DMD: variants seen among roughly 807,000 people sequenced by gnomAD.
The protein encoded by DMD is mutant dystrophin.
DMD carries 63 observed loss-of-function variants against 330.1 expected under a neutral mutation model. That is an observed-to-expected ratio of 0.19 (90% CI 0.16 to 0.24). The LOEUF (loss-of-function observed/expected upper bound fraction) is 0.24, where lower values mean the gene tolerates loss of function less well. Among genes scored for constraint, DMD ranks in the 10% least tolerant of loss-of-function variants. DMD has a pLI of 1.00. For missense variants in DMD, 3,344 were observed against 2,684.1 expected, an observed-to-expected ratio of 1.25 and a Z score of -5.43; for synonymous variants, 1,223 against 959.8, an observed-to-expected ratio of 1.27 and a Z score of -5.07.
intron 1 of DMD, among the ~76,000 whole-genome samples, chrX:33,196,793 A>T (rs931094289): frequency 1.8e-5 from 2 of 111,299 alleles, no homozygotes; most frequent in African/African-American, 6.5e-5. Flanking sequence ...TGCTCAGCTC[A>T]GTGCCAGAAA....
At chrX:31,413,433 CTTATT>C (rs1432963473) in intron 60 of DMD, among the ~76,000 whole-genome samples, 1 of 112,015 alleles carries the variant, frequency 8.9e-6, no homozygotes, top group Non-Finnish European at 1.9e-5. Flanking sequence ...CTGTTATAAT[CTTATT>C]TTGAGTCTTG....
At chrX:31,297,323 A>T (rs2054265002) in intron 62 of DMD, among the ~76,000 whole-genome samples, 1 of 111,169 alleles carries the variant, frequency 9.0e-6, no homozygotes, top group Admixed American at 9.6e-5. Context: ...GAAGACCGCT[A>T]TTCCCAGAGT....
chrX:32,358,686 C>G (rs187580245), intron 37 of DMD, among the ~76,000 whole-genome samples: 8 of 111,172 alleles, frequency 7.2e-5, no homozygotes, highest in African/African-American at 2.6e-4. Context: ...TAAGGCTGGT[C>G]TTTGTCATGA....
intron 44 of DMD, among the ~76,000 whole-genome samples, chrX:32,107,651 T>A (rs1010140276): frequency 1.8e-5 from 2 of 110,744 alleles, no homozygotes; most frequent in Admixed American, 9.7e-5. Flanking sequence ...GTTTTTCTTC[T>A]ATTCAGGCCT....
intron 59 of DMD, among the ~76,000 whole-genome samples, chrX:31,476,418 T>TAC (rs1569545943): frequency 6.2e-5 from 6 of 96,534 alleles, no homozygotes; most frequent in South Asian, 5.0e-4. Flanking sequence ...TATATATATA[T>TAC]ATACACACAC....
chrX:32,860,810 T>C (rs1459534647), intron 2 of DMD, among the ~76,000 whole-genome samples: 2 of 111,031 alleles, frequency 1.8e-5, no homozygotes, highest in East Asian at 5.6e-4. Context: ...CCCTCAAGAA[T>C]GGCCACTATG....
intron 59 of DMD, among the ~76,000 whole-genome samples, chrX:31,466,830 C>G (rs1321347334): frequency 9.0e-6 from 1 of 111,262 alleles, no homozygotes; most frequent in African/African-American, 3.3e-5. Flanking sequence ...GGTGTCCTCT[C>G]TCATTTCCTT....
intron 9 of DMD, among the ~76,000 whole-genome samples, chrX:32,671,152 A>G (rs1412271377): frequency 9.0e-6 from 1 of 111,085 alleles, no homozygotes; most frequent in African/African-American, 3.3e-5. Flanking sequence ...ATTACCACCA[A>G]GATAATTATA....
intron 44 of DMD, among the ~76,000 whole-genome samples, chrX:32,134,395 C>G (rs1461154873): frequency 9.0e-6 from 1 of 111,221 alleles, no homozygotes; most frequent in Non-Finnish European, 1.9e-5. Flanking sequence ...ACTGAACAAA[C>G]AGATAATGGA....
chrX:32,123,052 G>A (rs2096643886), intron 44 of DMD, among the ~76,000 whole-genome samples: 1 of 106,250 alleles, frequency 9.4e-6, no homozygotes, highest in Admixed American at 1.0e-4. Flanking sequence ...TTGACCTTGA[G>A]TAAGATTACA....
chrX:31,887,860 A>G (rs769907868), intron 47 of DMD, among the ~76,000 whole-genome samples: 4 of 112,610 alleles, frequency 3.6e-5, no homozygotes, highest in Admixed American at 1.9e-4. Flanking sequence ...CTTTTCTTAC[A>G]TGATATAGCA....
intron 50 of DMD, among the ~76,000 whole-genome samples, chrX:31,785,775 C>T (rs6631399): frequency 0.11 from 12,323 of 110,931 alleles, 561 homozygotes; most frequent in East Asian, 0.25. Flanking sequence ...ACAAAGGACA[C>T]GAACGCATCC....
chrX:32,066,935 G>A (rs753987857), intron 44 of DMD, among the ~76,000 whole-genome samples: 2 of 111,504 alleles, frequency 1.8e-5, no homozygotes, highest in East Asian at 5.7e-4. Context: ...ATCACCTATA[G>A]TGGAAATGGG....
At chrX:32,007,240 TAATAATAATAAAGA>T (rs2095669270) in intron 44 of DMD, among the ~76,000 whole-genome samples, 1 of 104,698 alleles carries the variant, frequency 9.6e-6, no homozygotes, top group East Asian at 3.0e-4. Flanking sequence ...ATAATAATAA[TAATAATAATAAAGA>T]AAAGAGTGGA....
intron 4 of DMD, among the ~76,000 whole-genome samples, chrX:32,840,564 C>T (rs1177490476): frequency 9.0e-6 from 1 of 111,549 alleles, no homozygotes; most frequent in Admixed American, 9.5e-5. Context: ...CAGTGAGCAC[C>T]GCAGAAGATT....
At chrX:32,557,899 T>C (rs1338032191) in intron 16 of DMD, among the ~76,000 whole-genome samples, 2 of 110,172 alleles carry the variant, frequency 1.8e-5, no homozygotes, top group African/African-American at 6.6e-5. Flanking sequence ...GTAACTAAAA[T>C]TTACTATTAA....
At chrX:31,801,151 G>C (rs1439414999) in intron 50 of DMD, among the ~76,000 whole-genome samples, 1 of 111,650 alleles carries the variant, frequency 9.0e-6, no homozygotes, top group African/African-American at 3.3e-5. Flanking sequence ...ATAAAGAAAA[G>C]AGGTTTAATA....
chrX:32,226,601 T>TA (rs1354365430), intron 43 of DMD, among the ~76,000 whole-genome samples: 4 of 111,383 alleles, frequency 3.6e-5, no homozygotes, highest in Non-Finnish European at 7.5e-5. Context: ...AATGAATGAA[T>TA]AAAAAAGTCC....
intron 9 of DMD, among the ~76,000 whole-genome samples, chrX:32,690,610 T>A (rs1362861885): frequency 9.0e-6 from 1 of 111,184 alleles, no homozygotes; most frequent in Admixed American, 9.7e-5. Flanking sequence ...TAAACTACAG[T>A]AATTAAAAAT....
Sources: gnomAD v4.1 joint callset for allele counts (sites outside exome capture counted in the v4.1 genomes callset) on GRCh38, gnomAD v4.1.1 for gene constraint, MANE v1.5 for transcripts, NCBI Gene and HGNC (gene_info 2026-07-23, HGNC 2026-07-21) for gene names.